The following NADK2 variants were observed in gnomAD, a reference collection of about 807,000 sequenced individuals.
The protein encoded by NADK2 is NAD kinase domain-containing protein 1, mitochondrial.
A neutral mutation model predicts 62.1 loss-of-function variants in NADK2; 35 were observed. That is an observed-to-expected ratio of 0.56 (90% CI 0.43 to 0.75). NADK2 has a LOEUF of 0.75. Among genes scored for constraint, NADK2 ranks in the 30% least tolerant of loss-of-function variants. The pLI is 0.00. For missense variants in NADK2, 439 were observed against 561.3 expected (o/e 0.78, Z 2.20); for synonymous variants, 205 against 207.9 (o/e 0.99, Z 0.12).
intron 7 of NADK2, among the ~76,000 whole-genome samples, chr5:36,211,561 A>C (rs1291386154): frequency 6.6e-6 from 1 of 151,670 alleles, no homozygotes; most frequent in East Asian, 1.9e-4. Context: ...TCTCAAAAAA[A>C]AAAAATAATA....
At chr5:36,222,405 T>C (rs1189087786) in intron 4 of NADK2, among the ~76,000 whole-genome samples, 1 of 152,210 alleles carries the variant, frequency 6.6e-6, no homozygotes, top group African/African-American at 2.4e-5. Flanking sequence ...CTCATATAGT[T>C]ACATTTTGCA....
chr5:36,202,096 G>A (rs1443979845), intron 8 of NADK2, among the ~76,000 whole-genome samples: 1 of 152,030 alleles, frequency 6.6e-6, no homozygotes, highest in East Asian at 1.9e-4. Flanking sequence ...TTGGGGGAGT[G>A]AGAGTAAGAG....
Position 36,221,788 on chromosome 5 carries a change from C to T in NADK2, c.561-2109G>A, listed in dbSNP as rs1747279091. ...AAATATAGTTCAATAAACTGTGTAA[C>T]ATATGATCACTAAAGTGATCTTTTA... On this transcript the variant is annotated intron_variant, in intron 4 of 11. Coordinates refer to ENST00000381937, the MANE Select transcript of NADK2 (RefSeq NM_001085411.3). 4 of 152,112 alleles carry T rather than the reference C, an allele frequency of 2.6e-5. No individual in the cohort carries two copies. The South Asian group carries it at 8.3e-4, about 31-fold the overall frequency. The allele number at this position is 152,112 out of a possible 1,614,324, so 9.4% of individuals were successfully genotyped here.
chr5:36,200,283 G>A lies in NADK2; in HGVS notation c.1013-3C>T, dbSNP rs767967409. Reference sequence around the variant, plus strand: ...ACTCAAATTTCCTTGTCGTTTTGCTGTTGAAAAAGGAAAGGGGGAAAATGT... The same window carrying A: ...ACTCAAATTTCCTTGTCGTTTTGCTATTGAAAAAGGAAAGGGGGAAAATGT... On this transcript the variant is annotated splice_region_variant and splice_polypyrimidine_tract_variant and intron_variant, in intron 9 of 11. Coordinates refer to ENST00000381937, the MANE Select transcript of NADK2 (RefSeq NM_001085411.3). 14 of 1,574,498 alleles carry A rather than the reference G, an allele frequency of 8.9e-6. No individual in the cohort carries two copies. Among genetic ancestry groups the A allele is most frequent in the East Asian group, 2.3e-5 (1 of 42,948 alleles).
chr5:36,200,135 AG>A, intron 10 of NADK2, 91 bp downstream of exon 10: 1 of 820,726 alleles, frequency 1.2e-6, no homozygotes, highest in Admixed American at 2.8e-5. Flanking sequence ...AGTAAAAAAA[AG>A]TACTTTGCTA....
intron 8 of NADK2, among the ~76,000 whole-genome samples, chr5:36,202,704 T>A (rs964145939): frequency 1.3e-5 from 2 of 152,044 alleles, no homozygotes; most frequent in Non-Finnish European, 2.9e-5. Context: ...GCTCAGAGCC[T>A]CCCATGGGGA....
chr5:36,195,595 T>C (rs1263462813), intron 11 of NADK2, among the ~76,000 whole-genome samples: 2 of 152,236 alleles, frequency 1.3e-5, no homozygotes, highest in Admixed American at 1.3e-4. Context: ...GAGTGTTAAC[T>C]ATTTTCATGT....
intron 7 of NADK2, 49 bp from the exon 8 acceptor site, chr5:36,207,314 A>G (rs1335312752): frequency 3.0e-5 from 42 of 1,404,116 alleles, no homozygotes; most frequent in Non-Finnish European, 3.8e-5. Flanking sequence ...GGTTCAAGGT[A>G]AATAAGAGAG....
chr5:36,241,841 G>A lies in NADK2; in HGVS notation c.-43C>T, dbSNP rs1748150009. 1 of 1,251,326 alleles carries A rather than the reference G, an allele frequency of 8.0e-7. No homozygotes were observed. The highest frequency in any genetic ancestry group is 1.0e-6 in the Non-Finnish European group (1 of 998,366). The allele number at this position is 1,251,326 out of a possible 1,614,324, so 77.5% of individuals were successfully genotyped here. A position where few individuals can be genotyped will look rare whatever the true frequency, so the allele number is the denominator to read the frequency against. ...CCGCGGGCTTGGGCTCGGGCCCCTT[G>A]CCTCAGCTCCCTACCGCCGGGAGTG... On this transcript the variant is annotated 5_prime_UTR_variant, in exon 1 of 12. Transcript: ENST00000381937. This position sits in a 1 kb window ranked among gnomAD's most constrained non-coding sequence, Gnocchi z 4.9.
intron 1 of NADK2, among the ~76,000 whole-genome samples, chr5:36,240,794 T>C (rs558786306): frequency 4.8e-4 from 73 of 152,314 alleles, no homozygotes; most frequent in African/African-American, 1.6e-3. Flanking sequence ...CACTACCCAG[T>C]ATACCAGCCC....
intron 7 of NADK2, 55 bp downstream of exon 7, chr5:36,211,789 T>A: frequency 6.9e-7 from 1 of 1,439,782 alleles, no homozygotes; most frequent in East Asian, 2.3e-5. Flanking sequence ...TGAATAAATA[T>A]CCAAAAGCAC....
At chr5:36,199,086 G>C (rs1436184617) in intron 10 of NADK2, among the ~76,000 whole-genome samples, 1 of 151,792 alleles carries the variant, frequency 6.6e-6, no homozygotes, top group Non-Finnish European at 1.5e-5. Context: ...AGCATTAGGA[G>C]ATATACCTAA....
chr5:36,202,035 TAACATATGAGTC>T lies in NADK2; in HGVS notation c.957-886_957-875del, dbSNP rs1197789222. On this transcript the variant is annotated intron_variant, in intron 8 of 11. Coordinates refer to ENST00000381937, the MANE Select transcript of NADK2 (RefSeq NM_001085411.3). ...AATATATAATCCCAAGGAACAGGAA[TAACATATGAGTC>T]AACGCAATTCTAAATCTAAATTACT... 3.3e-5 allele frequency among the ~76,000 whole-genome samples: 5 copies of T among 152,098 alleles called. No homozygotes were observed. In the East Asian group the frequency reaches 9.6e-4, roughly 29 times the overall value.
intron 6 of NADK2, among the ~76,000 whole-genome samples, chr5:36,214,069 T>A (rs952142179): frequency 2.0e-5 from 3 of 152,236 alleles, no homozygotes; most frequent in Admixed American, 2.0e-4. Context: ...TCATTAATCA[T>A]CTTAATTCTG....
chr5:36,227,657 AATT>A, intron 1 of NADK2, 92 bp from the exon 2 acceptor site: 2 of 606,282 alleles, frequency 3.3e-6, no homozygotes, highest in South Asian at 1.3e-4. Flanking sequence ...TATAAAATAT[AATT>A]TTTTGAAAAT....
At chr5:36,235,904 TATAAAA>T (rs1378602911) in intron 1 of NADK2, among the ~76,000 whole-genome samples, 4 of 9,388 alleles carry the variant, frequency 4.3e-4, no homozygotes, top group South Asian at 8.6e-3. Context: ...TATATATATA[TATAAAA>T]AATAAATTTT....
intron 6 of NADK2, chr5:36,212,270 A>C (rs1475441965): frequency 2.5e-5 from 4 of 159,530 alleles, no homozygotes; most frequent in Admixed American, 1.9e-4. Context: ...TTACCAATTA[A>C]AAAGAGAACT....
At chr5:36,223,377 A>AGG (rs1404041709) in intron 4 of NADK2, among the ~76,000 whole-genome samples, 1 of 152,156 alleles carries the variant, frequency 6.6e-6, no homozygotes, top group Non-Finnish European at 1.5e-5. Flanking sequence ...CTGGAGTCCC[A>AGG]GGGGACTCCA....
chr5:36,196,921 C>G (rs1746252625), intron 11 of NADK2, among the ~76,000 whole-genome samples: 1 of 152,064 alleles, frequency 6.6e-6, no homozygotes, highest in African/African-American at 2.4e-5. Context: ...ACACTAAGGT[C>G]AGCAATTTGT....
Sources: allele counts gnomAD v4.1 joint callset (sites outside exome capture counted in the v4.1 genomes callset), GRCh38; gene constraint gnomAD v4.1.1; non-coding constraint Gnocchi (gnomAD v3.1); transcripts MANE v1.5; gene names NCBI Gene and HGNC (gene_info 2026-07-23, HGNC 2026-07-21).